ADCY9: variants seen among roughly 807,000 people sequenced by gnomAD.
ADCY9 encodes adenylate cyclase type 9.
Under a neutral mutation model 101.5 loss-of-function variants are expected in ADCY9, and 50 were observed. The observed-to-expected ratio is 0.49, with a 90% CI of 0.39 to 0.62. ADCY9 has a LOEUF of 0.62. ADCY9 is among the 20% of genes least tolerant of loss of function. The probability of loss-of-function intolerance (pLI) is 0.00; values close to 1 mark genes in which losing one functional copy is unlikely to be tolerated. For missense variants in ADCY9, 1,662 were observed against 1,800.4 expected (o/e 0.92, Z 1.39); for synonymous variants, 905 against 769.3 (o/e 1.18, Z -2.92).
intron 8 of ADCY9, among the ~76,000 whole-genome samples, chr16:3,978,157 C>G (rs945090551): frequency 2.0e-5 from 3 of 152,234 alleles, no homozygotes; most frequent in Non-Finnish European, 4.4e-5. Context: ...GTGAGGCTCC[C>G]TGTTCACATG....
At chr16:4,099,433 A>C (rs1401346139) in intron 2 of ADCY9, among the ~76,000 whole-genome samples, 2 of 152,290 alleles carry the variant, frequency 1.3e-5, no homozygotes, top group East Asian at 3.9e-4. Flanking sequence ...TATACTATTC[A>C]TTTTCTTTTC....
At chr16:3,982,341 G>C (rs1398837610) in intron 7 of ADCY9, 1 of 152,342 alleles carries the variant, frequency 6.6e-6, no homozygotes. Flanking sequence ...CTCAAGGTCA[G>C]GGCTGCCTCC....
chr16:4,003,135 G>A (rs1053733675), intron 3 of ADCY9, among the ~76,000 whole-genome samples: 2 of 152,014 alleles, frequency 1.3e-5, no homozygotes, highest in East Asian at 1.9e-4. Flanking sequence ...CTGCTGGAGC[G>A]CTGACGTCAC....
At chr16:4,014,091 G>C (rs749781247) in intron 2 of ADCY9, among the ~76,000 whole-genome samples, 1 of 152,132 alleles carries the variant, frequency 6.6e-6, no homozygotes, top group Non-Finnish European at 1.5e-5. Context: ...GGCCGAGACG[G>C]GAGCATCAGT....
chr16:3,955,313 C>T (rs1292072484), intron 5 of ADCY9, among the ~76,000 whole-genome samples: 2 of 151,650 alleles, frequency 1.3e-5, no homozygotes, highest in African/African-American at 4.9e-5. Flanking sequence ...CCACCTGAGG[C>T]CAGGAGTTTA....
At chr16:4,076,781 A>G (rs946686751) in intron 2 of ADCY9, among the ~76,000 whole-genome samples, 1 of 152,208 alleles carries the variant, frequency 6.6e-6, no homozygotes, top group Non-Finnish European at 1.5e-5. Flanking sequence ...TCAATAATTA[A>G]GAATCAGCCT....
At chr16:4,037,908 G>C (rs1359567237) in intron 2 of ADCY9, among the ~76,000 whole-genome samples, 1 of 152,194 alleles carries the variant, frequency 6.6e-6, no homozygotes, top group Non-Finnish European at 1.5e-5. Context: ...ACTCATTTTT[G>C]AAACCTATGT....
intron 9 of ADCY9, among the ~76,000 whole-genome samples, chr16:3,975,455 T>C (rs1256857682): frequency 6.6e-6 from 1 of 152,212 alleles, no homozygotes; most frequent in African/African-American, 2.4e-5. Flanking sequence ...GGCTGGACTG[T>C]TGCTTTGCTA....
chr16:3,965,711 G>A lies in ADCY9; in HGVS notation c.*64C>T, dbSNP rs2055984370. The A allele has an allele frequency of 1.1e-5, 17 of 1,489,344 alleles. No individual in the cohort carries two copies. In the South Asian group the frequency reaches 2.2e-4, roughly 19 times the overall value. The allele number at this position is 1,489,344 out of a possible 1,614,324, so 92.3% of individuals were successfully genotyped here. On this transcript the variant is annotated 3_prime_UTR_variant, in exon 11 of 11. Coordinates refer to ENST00000294016, the MANE Select transcript of ADCY9 (RefSeq NM_001116.4). Reference sequence around the variant, plus strand: ...ACTGTGGCGCTTGGAAAGCACAACAGCCAAATACAAATATTACTGTGTTTC... The same window carrying A: ...ACTGTGGCGCTTGGAAAGCACAACAACCAAATACAAATATTACTGTGTTTC...
At chr16:3,969,606 A>ATATATATATG (rs2056032698) in intron 10 of ADCY9, among the ~76,000 whole-genome samples, 6 of 67,858 alleles carry the variant, frequency 8.8e-5, no homozygotes, top group Non-Finnish European at 1.5e-4. Context: ...ATATATATAT[A>ATATATATATG]TATGTATTTT....
intron 2 of ADCY9, among the ~76,000 whole-genome samples, chr16:4,074,655 T>G (rs929560338): frequency 1.2e-4 from 17 of 137,786 alleles, no homozygotes; most frequent in Non-Finnish European, 1.5e-4. Flanking sequence ...AGGTCGAGGC[T>G]TCAGTGAGCT....
At chr16:4,004,043 C>G (rs991770083) in intron 3 of ADCY9, among the ~76,000 whole-genome samples, 3 of 151,446 alleles carry the variant, frequency 2.0e-5, no homozygotes, top group Non-Finnish European at 4.4e-5. Context: ...GATGGTATAA[C>G]CCCAGGAGTT....
chr16:4,020,595 G>T (rs1455180161), intron 2 of ADCY9, among the ~76,000 whole-genome samples: 3 of 152,098 alleles, frequency 2.0e-5, no homozygotes, highest in Non-Finnish European at 4.4e-5. Flanking sequence ...GCTGAGGCGG[G>T]TGGATCACTT....
intron 2 of ADCY9, among the ~76,000 whole-genome samples, chr16:4,064,339 A>T (rs967396190): frequency 2.6e-5 from 4 of 152,210 alleles, no homozygotes; most frequent in African/African-American, 9.7e-5. Flanking sequence ...ATTCAACAAG[A>T]CCCAGCAAGC....
intron 2 of ADCY9, among the ~76,000 whole-genome samples, chr16:4,009,448 G>A (rs1271077461): frequency 6.6e-6 from 1 of 152,028 alleles, no homozygotes; most frequent in African/African-American, 2.4e-5. Context: ...TTGAGATGGG[G>A]GTCTCACTGT....
chr16:4,031,018 GA>G (rs112884975), intron 2 of ADCY9, among the ~76,000 whole-genome samples: 4 of 151,140 alleles, frequency 2.6e-5, no homozygotes, highest in Non-Finnish European at 3.0e-5. Flanking sequence ...TAGCAGTAAA[GA>G]AAAAAAAATG....
chr16:4,061,839 T>C (rs1350525651), intron 2 of ADCY9, among the ~76,000 whole-genome samples: 1 of 152,254 alleles, frequency 6.6e-6, no homozygotes, highest in Non-Finnish European at 1.5e-5. Flanking sequence ...ATAGTCTCTT[T>C]TTTACACTTA....
At chr16:4,070,675 G>A (rs1384055402) in intron 2 of ADCY9, among the ~76,000 whole-genome samples, 5 of 152,128 alleles carry the variant, frequency 3.3e-5, no homozygotes, top group Non-Finnish European at 5.9e-5. Flanking sequence ...GCGAAGTGCA[G>A]TGGCTCACAC....
intron 2 of ADCY9, among the ~76,000 whole-genome samples, chr16:4,036,659 G>A (rs906843855): frequency 1.3e-5 from 2 of 151,656 alleles, no homozygotes; most frequent in South Asian, 2.1e-4. Context: ...AAAGGGTTTC[G>A]CCATGTTGGC....
Sources: gnomAD v4.1 joint callset for allele counts (sites outside exome capture counted in the v4.1 genomes callset) on GRCh38, gnomAD v4.1.1 for gene constraint, MANE v1.5 for transcripts, NCBI Gene and HGNC (gene_info 2026-07-23, HGNC 2026-07-21) for gene names.